Variants in PKHD1L1 observed in about 807,000 individuals in gnomAD.
PKHD1L1 encodes PKHD1 like 1, also known as fibrocystin-L.
In PKHD1L1, 434 loss-of-function variants were observed where a neutral mutation model predicts 462.9. The ratio of observed to expected loss-of-function variants is 0.94; its 90% CI spans 0.87 to 1.02. PKHD1L1 has a LOEUF of 1.02. PKHD1L1 is among the 50% of genes least tolerant of loss of function. The pLI is 0.00. For synonymous variants in PKHD1L1, 1,781 were observed against 1,750.0 expected, an observed-to-expected ratio of 1.02 and a Z score of -0.44; for missense variants, 5,202 against 5,096.1, an observed-to-expected ratio of 1.02 and a Z score of -0.63.
intron 21 of PKHD1L1, among the ~76,000 whole-genome samples, chr8:109,414,188 G>A (rs1022539980): frequency 2.0e-5 from 3 of 151,896 alleles, no homozygotes; most frequent in East Asian, 1.9e-4. Flanking sequence ...TTCATTTATG[G>A]TATTTCATTT....
chr8:109,385,675 G>A, intron 6 of PKHD1L1, 45 bp downstream of exon 6: 1 of 1,236,272 alleles, frequency 8.1e-7, no homozygotes, highest in Non-Finnish European at 1.1e-6. Flanking sequence ...TCATAAATGA[G>A]AAGTAATATT....
chr8:109,468,362 T>C (rs891441529), intron 50 of PKHD1L1, among the ~76,000 whole-genome samples: 1 of 152,218 alleles, frequency 6.6e-6, no homozygotes, highest in African/African-American at 2.4e-5. Flanking sequence ...AATAGCTTTC[T>C]TGTTAAGTCT....
Position 109,456,410 on chromosome 8 carries a change from T to C in PKHD1L1, c.7004+19T>C, listed in dbSNP as rs1432713262. 6.3e-7 allele frequency: 1 copy of C among 1,580,178 alleles called. No homozygotes were observed. The highest frequency in any genetic ancestry group is 1.4e-5 in the African/African-American group (1 of 73,860). ...GACACAGGTATGATATCTTCTGGGCTTAATGATGTGTATTTAGAAAAGAAA... is the reference window on the plus strand; with the variant it reads ...GACACAGGTATGATATCTTCTGGGCCTAATGATGTGTATTTAGAAAAGAAA... On this transcript the variant is annotated intron_variant, in intron 46 of 77. Coordinates refer to ENST00000378402, the MANE Select transcript of PKHD1L1 (RefSeq NM_177531.6).
Position 109,439,096 on chromosome 8 carries a change from T to A in PKHD1L1, c.3956+4T>A, listed in dbSNP as rs1268720143. 1.2e-6 allele frequency: 2 copies of A among 1,610,820 alleles called. 1 individual carries two copies. The highest frequency in any genetic ancestry group is 2.2e-5 in the South Asian group (2 of 90,644). On this transcript the variant is annotated splice_donor_region_variant and intron_variant, in intron 32 of 77. Coordinates refer to ENST00000378402, the MANE Select transcript of PKHD1L1 (RefSeq NM_177531.6). ...ACTGGGGTTTTGCATCAACAAGGTA[T>A]GATAATGAACATAAACTTGATGGAG...
intron 52 of PKHD1L1, 66 bp from the exon 53 acceptor site, chr8:109,477,159 A>C: frequency 6.5e-7 from 1 of 1,529,220 alleles, no homozygotes; most frequent in East Asian, 2.3e-5. Context: ...AAAATTCCAT[A>C]ATTTTGTTTA....
chr8:109,524,690 T>G (rs911016879), intron 76 of PKHD1L1, among the ~76,000 whole-genome samples: 1 of 152,194 alleles, frequency 6.6e-6, no homozygotes. Flanking sequence ...TACGTTAAGT[T>G]TTTTTTCAGA....
chr8:109,371,723 G>A (rs906052573), intron 2 of PKHD1L1, among the ~76,000 whole-genome samples: 1 of 147,782 alleles, frequency 6.8e-6, no homozygotes, highest in Non-Finnish European at 1.5e-5. Flanking sequence ...TCTACATATG[G>A]CTAGCCAGTT....
rs767842082 is a variant in PKHD1L1 at position 109,464,207 on chromosome 8, G to T, written c.7384-9G>T. The stretch of plus-strand genomic sequence containing the variant: ...ATTACTAAATAACTGTGATTTCTGG[G>T]CTTAACAGGTATTCCATGCTGGCCA... On this transcript the variant is annotated splice_polypyrimidine_tract_variant and intron_variant, in intron 48 of 77. Transcript: ENST00000378402. 5.1e-6 allele frequency: 8 copies of T among 1,566,780 alleles called. No homozygotes were observed. In the East Asian group the frequency reaches 1.6e-4, roughly 31 times the overall value.
At position 109,381,605 on chromosome 8, in the gene PKHD1L1, G is replaced by A. The variant is rs1247513685; in HGVS notation, c.308+91G>A. ...AGTATTATAATAGTTTTATTACCCT[G>A]GCTATTATAAATAATATTTTTCTGA... is the stretch of plus-strand genomic sequence containing the variant. On this transcript the variant is annotated intron_variant, in intron 3 of 77. Transcript: ENST00000378402. 7.3e-6 allele frequency: 7 copies of A among 955,332 alleles called. No homozygotes were observed. In the African/African-American group the frequency reaches 1.0e-4, roughly 14 times the overall value. 59.2% of individuals were successfully genotyped at this position (955,332 alleles called of 1,614,324 possible).
chr8:109,528,816 T>C (rs1052565734), intron 77 of PKHD1L1, among the ~76,000 whole-genome samples: 1 of 152,162 alleles, frequency 6.6e-6, no homozygotes, highest in Non-Finnish European at 1.5e-5. Context: ...AAAAATCTGG[T>C]TTAATTGATT....
rs748910007 is a variant in PKHD1L1, at chr8:109,526,841, C to A, written c.12542C>A (p.Thr4181Asn). 2.5e-6 allele frequency: 4 copies of A among 1,586,216 alleles called. No individual in the cohort carries two copies. The highest frequency in any genetic ancestry group is 1.7e-6 in the Non-Finnish European group (2 of 1,165,444). ...AATGTTGTTGGGGTAGAATCCAGAACTTTCAGCCTGCTGGCAGAGTCTGTC... is the reference window on the plus strand; with the variant it reads ...AATGTTGTTGGGGTAGAATCCAGAAATTTCAGCCTGCTGGCAGAGTCTGTC... Reference protein sequence around the residue: ...LDNVVGVESRTFSLLAESVSS... With the variant: ...LDNVVGVESRNFSLLAESVSS... Residue 4181 changes from threonine to asparagine, a missense_variant, in exon 77 of 78, where the codon ACT (threonine) becomes AAT (asparagine). Around this residue, in one of 3 missense-constraint regions of PKHD1L1, gnomAD observed 698 missense variants for 736.3 expected, o/e 0.95. Coordinates refer to ENST00000378402, the MANE Select transcript of PKHD1L1 (RefSeq NM_177531.6).
At chr8:109,493,639 T>C (rs1418618716) in intron 62 of PKHD1L1, 22 bp from the exon 63 acceptor site, 8 of 1,491,026 alleles carry the variant, frequency 5.4e-6, no homozygotes, top group Non-Finnish European at 7.4e-6. Context: ...TGCACAGTAT[T>C]TTTTTTTAAT....
Position 109,532,585 on chromosome 8 carries a change from G to A in PKHD1L1, c.*2495G>A, listed in dbSNP as rs1453755534. 6.6e-6 allele frequency among the ~76,000 whole-genome samples: 1 copy of A among 152,170 alleles called. No homozygotes were observed. Among genetic ancestry groups the A allele is most frequent in the African/African-American group, 2.4e-5 (1 of 41,436 alleles). On this transcript the variant is annotated 3_prime_UTR_variant, in exon 78 of 78. Coordinates refer to ENST00000378402, the MANE Select transcript of PKHD1L1 (RefSeq NM_177531.6). ...ACAAGTCATAAAAATCCTTTGATGT[G>A]TGAATATTCTTCTACCTAAGACCTG...
intron 46 of PKHD1L1, 90 bp from the exon 47 acceptor site, chr8:109,459,505 G>A (rs1054866471): frequency 2.0e-6 from 2 of 997,886 alleles, no homozygotes; most frequent in African/African-American, 1.7e-5. Context: ...ATTTTGCAGA[G>A]TATTTAAAAT....
Position 109,464,751 on chromosome 8 carries a change from C to A in PKHD1L1, c.7919C>A (p.Ser2640Tyr), listed in dbSNP as rs774367740. The part of the protein sequence containing the change: ...YFPMQTGSCT[S>Y]TVPAPAIFNS... ...CCCATGCAAACGGGATCTTGTACAT[C>A]TACAGTGCCTGCACCTGCAATATTT... is the stretch of plus-strand genomic sequence containing the variant. Residue 2640 changes from serine (S) to tyrosine (Y), a missense_variant, in exon 49 of 78, where the codon TCT becomes TAT. By Grantham distance (144) the Ser-to-Tyr change is moderately radical. Transcript: ENST00000378402. 1.9e-6 allele frequency: 3 copies of A among 1,613,832 alleles called. No homozygotes were observed. The South Asian group carries it at 3.3e-5, about 18-fold the overall frequency.
In PKHD1L1 at chr8:109,464,929, C is replaced by T; in HGVS notation, c.8097C>T (p.Thr2699=). 6.2e-7 allele frequency: 1 copy of T among 1,613,736 alleles called. No homozygotes were observed. The highest frequency in any genetic ancestry group is 8.5e-7 in the Non-Finnish European group (1 of 1,179,792). Residue 2699 remains threonine, a synonymous_variant, in exon 49 of 78, where the codon ACC becomes ACT. Transcript: ENST00000378402. Reference sequence around the variant, plus strand: ...CTTATGTTGGAGGGTGGGGTGAAACCAATGGAGCGGTGATTAAAAATGCCA... The same window carrying T: ...CTTATGTTGGAGGGTGGGGTGAAACTAATGGAGCGGTGATTAAAAATGCCA... The part of the protein sequence containing the change: ...LAPYVGGWGE[T]NGAVIKNAKI...
At chr8:109,529,043 AT>A (rs573114247) in intron 77 of PKHD1L1, among the ~76,000 whole-genome samples, 38 of 152,206 alleles carry the variant, frequency 2.5e-4, no homozygotes, top group Non-Finnish European at 3.2e-4. Context: ...TGGGGTAACA[AT>A]TTAGAAGAAT....
At chr8:109,389,499 AGTGTGTGTGTGTGTGTGTGTGT>A (rs55680302) in intron 8 of PKHD1L1, among the ~76,000 whole-genome samples, 37 of 140,878 alleles carry the variant, frequency 2.6e-4, no homozygotes, top group East Asian at 8.6e-4. Context: ...ATCTTTTAAG[AGTGTGTGTGTGTGTGTGTGTGT>A]GTGTGTGTGT....
At chr8:109,419,006 T>C in intron 21 of PKHD1L1, 91 bp from the exon 22 acceptor site, 1 of 1,169,394 alleles carries the variant, frequency 8.6e-7, no homozygotes, top group Non-Finnish European at 1.2e-6. Flanking sequence ...GGAAAAAATA[T>C]TTTACTCTAT....
Sources: gnomAD v4.1 joint callset for allele counts (sites outside exome capture counted in the v4.1 genomes callset) on GRCh38, gnomAD v4.1.1 for gene constraint, gnomAD v4.1.1 regional missense constraint, MANE v1.5 for transcripts, NCBI Gene and HGNC (gene_info 2026-07-23, HGNC 2026-07-21) for gene names.